RPS6KA6: variants seen among roughly 807,000 people sequenced by gnomAD.
RPS6KA6 encodes ribosomal protein S6 kinase alpha-6.
In RPS6KA6, 27 loss-of-function variants were observed where a neutral mutation model predicts 65.4. That is an observed-to-expected ratio of 0.41 (90% confidence interval 0.30 to 0.57). The LOEUF (loss-of-function observed/expected upper bound fraction) is 0.57. Ranked by LOEUF, RPS6KA6 falls within the 20% of genes least tolerant of loss-of-function variation. The probability of loss-of-function intolerance (pLI) is 0.24; values close to 1 mark genes in which losing one functional copy is unlikely to be tolerated. For missense variants in RPS6KA6, 486 were observed against 555.6 expected (o/e 0.87, Z 1.26); for synonymous variants, 190 against 184.2 (o/e 1.03, Z -0.26).
chrX:84,128,749 C>T (rs1001786202), intron 8 of RPS6KA6, among the ~76,000 whole-genome samples: 5 of 111,597 alleles, frequency 4.5e-5, no homozygotes, highest in Admixed American at 9.5e-5. Context: ...GGGTAAAGGA[C>T]GGTGTGTTCA....
chrX:84,187,954 G>T lies in RPS6KA6; in HGVS notation c.-55C>A. 1 of 1,058,600 alleles carries T rather than the reference G, an allele frequency of 9.4e-7. No individual in the cohort carries two copies. Among genetic ancestry groups the T allele is most frequent in the Non-Finnish European group, 1.3e-6 (1 of 786,359 alleles). The allele number at this position is 1,058,600 out of a possible 1,213,427, so 87.2% of individuals were successfully genotyped here. A position where few individuals can be genotyped will look rare whatever the true frequency, so the allele number is the denominator to read the frequency against. ...TGCCGCCTACCGCTGGCGCGGCCGC[G>T]CATCCTGTCTATTGAACTGGCCCGC... On this transcript the variant is annotated 5_prime_UTR_variant, in exon 1 of 22. Transcript: ENST00000262752.
At chrX:84,132,419 C>T (rs2034914611) in intron 8 of RPS6KA6, among the ~76,000 whole-genome samples, 1 of 110,194 alleles carries the variant, frequency 9.1e-6, no homozygotes, top group Admixed American at 9.8e-5. Flanking sequence ...CACTGCCCTC[C>T]AGCCTGGGTG....
chrX:84,101,950 C>T (rs969670226), intron 18 of RPS6KA6, 87 bp downstream of exon 18: 2 of 789,825 alleles, frequency 2.5e-6, no homozygotes, highest in Admixed American at 3.8e-5. Flanking sequence ...CAGCTTTTAT[C>T]TGCCTACCAT....
At chrX:84,089,843 C>T (rs1321761976) in intron 20 of RPS6KA6, among the ~76,000 whole-genome samples, 1 of 112,009 alleles carries the variant, frequency 8.9e-6, no homozygotes, top group Non-Finnish European at 1.9e-5. Flanking sequence ...ATTAACACAC[C>T]ATTTTCACTG....
intron 1 of RPS6KA6, among the ~76,000 whole-genome samples, chrX:84,164,602 T>A (rs985500508): frequency 3.6e-5 from 4 of 111,758 alleles, no homozygotes; most frequent in African/African-American, 1.3e-4. Context: ...TTCAGAGCTT[T>A]ATGCTTAATT....
rs1457505038 is a variant in RPS6KA6, at chrX:84,187,982, C to T, written c.-83G>A. 4 of 499,749 alleles carry T rather than the reference C, an allele frequency of 8.0e-6. No individual in the cohort carries two copies. The African/African-American group carries it at 1.0e-4, about 13-fold the overall frequency. 41.2% of individuals were successfully genotyped at this position (499,749 alleles called of 1,213,427 possible). On this transcript the variant is annotated 5_prime_UTR_variant, in exon 1 of 22. Transcript: ENST00000262752. ...TCCTGTCTATTGAACTGGCCCGCCG[C>T]CGCCGCCGCCGCCGCCGCCGCCGCC...
intron 12 of RPS6KA6, among the ~76,000 whole-genome samples, chrX:84,109,214 G>T (rs905826761): frequency 3.6e-5 from 4 of 112,131 alleles, no homozygotes; most frequent in African/African-American, 1.3e-4. Context: ...CAGCTGAAGG[G>T]GTCTGCCTTC....
At position 84,120,260 on chromosome X, in the gene RPS6KA6, T is replaced by G. The variant is rs183730058; in HGVS notation, c.647-233A>C. On this transcript the variant is annotated intron_variant, in intron 8 of 21. Transcript: ENST00000262752. Reference sequence around the variant, plus strand: ...AATCTCATCCTCAAAATACATGCTTTCAGGTCTACACTAGAATATAGTGCA... The same window carrying G: ...AATCTCATCCTCAAAATACATGCTTGCAGGTCTACACTAGAATATAGTGCA... Among the ~76,000 whole-genome samples the G allele has an allele frequency of 6.5e-3, 727 of 111,166 alleles. 3 individuals are homozygous for G. Among genetic ancestry groups the G allele is most frequent in the Non-Finnish European group, 0.011 (570 of 52,863 alleles).
intron 2 of RPS6KA6, among the ~76,000 whole-genome samples, chrX:84,161,203 C>G (rs1004106271): frequency 2.7e-5 from 3 of 111,347 alleles, no homozygotes; most frequent in African/African-American, 9.8e-5. Context: ...TCACTTTCAA[C>G]TTACAGTGAG....
intron 1 of RPS6KA6, among the ~76,000 whole-genome samples, chrX:84,164,648 A>G (rs910906332): frequency 4.5e-5 from 5 of 111,892 alleles, no homozygotes; most frequent in Non-Finnish European, 9.4e-5. Flanking sequence ...ACAGATAACT[A>G]TACACTAAGT....
intron 20 of RPS6KA6, among the ~76,000 whole-genome samples, chrX:84,067,232 G>A (rs1285366503): frequency 1.3e-4 from 14 of 111,519 alleles, no homozygotes; most frequent in African/African-American, 3.6e-4. Flanking sequence ...CCAAATGATC[G>A]CAACTCCTCT....
intron 12 of RPS6KA6, among the ~76,000 whole-genome samples, chrX:84,113,415 C>T (rs1253289961): frequency 2.7e-5 from 3 of 111,614 alleles, no homozygotes; most frequent in Admixed American, 9.5e-5. Context: ...AAATCCTCAA[C>T]GAAATACTAG....
intron 16 of RPS6KA6, among the ~76,000 whole-genome samples, 154 bp downstream of exon 16, chrX:84,105,633 A>G (rs2034343794): frequency 2.0e-5 from 2 of 99,390 alleles, no homozygotes; most frequent in African/African-American, 7.1e-5. Context: ...GAATCATGGG[A>G]AAAAAAAGAA....
At position 84,136,849 on chromosome X, in the gene RPS6KA6, T is replaced by C. The variant is rs1314392554; in HGVS notation, c.502-1639A>G. Among the ~76,000 whole-genome samples, 3 of 111,203 alleles carry C rather than the reference T, an allele frequency of 2.7e-5. No homozygotes were observed. The Admixed American group carries it at 2.9e-4, about 11-fold the overall frequency. On this transcript the variant is annotated intron_variant, in intron 6 of 21. Transcript: ENST00000262752. ...ACACCTTGCAAATGGAGAAAGAAAC[T>C]CAGAGTGATTAAGTAACTTGTCCAA...
chrX:84,121,082 A>T (rs1382137181), intron 8 of RPS6KA6, among the ~76,000 whole-genome samples: 1 of 112,530 alleles, frequency 8.9e-6, no homozygotes, highest in African/African-American at 3.2e-5. Flanking sequence ...TTAGCAAACA[A>T]TCTAAGTATA....
At position 84,065,128 on chromosome X, in the gene RPS6KA6, G is replaced by A; in HGVS notation, c.1972-17C>T. The A allele has an allele frequency of 1.8e-6, 2 of 1,126,819 alleles. No individual in the cohort carries two copies. Among genetic ancestry groups the A allele is most frequent in the Non-Finnish European group, 2.4e-6 (2 of 827,379 alleles). 92.9% of individuals were successfully genotyped at this position (1,126,819 alleles called of 1,213,427 possible). A position where few individuals can be genotyped will look rare whatever the true frequency, so the allele number is the denominator to read the frequency against. ...AAGCAAATCCTAAATTAAAAAAAAT[G>A]TGTGTGTATATATATATACATGTAT... On this transcript the variant is annotated splice_polypyrimidine_tract_variant and intron_variant, in intron 20 of 21. Coordinates refer to ENST00000262752, the MANE Select transcript of RPS6KA6 (RefSeq NM_014496.5).
chrX:84,163,632 C>T lies in RPS6KA6; in HGVS notation c.141+696G>A, dbSNP rs979493612. Among the ~76,000 whole-genome samples the T allele has an allele frequency of 5.4e-4, 41 of 75,939 alleles. 1 individual carries two copies. The highest frequency in any genetic ancestry group is 2.0e-3 in the African/African-American group (36 of 18,327). 65.9% of individuals were successfully genotyped at this position (75,939 alleles called of 115,157 possible). A position where few individuals can be genotyped will look rare whatever the true frequency, so the allele number is the denominator to read the frequency against. Reference sequence around the variant, plus strand: ...CCGCAGTCCGGCCTGGGCGACAGAGCGAGACTCCGTCTCAAAAAAAAAAAA... The same window carrying T: ...CCGCAGTCCGGCCTGGGCGACAGAGTGAGACTCCGTCTCAAAAAAAAAAAA... On this transcript the variant is annotated intron_variant, in intron 2 of 21. Coordinates refer to ENST00000262752, the MANE Select transcript of RPS6KA6 (RefSeq NM_014496.5).
intron 2 of RPS6KA6, among the ~76,000 whole-genome samples, chrX:84,156,782 A>C (rs1036573027): frequency 7.2e-5 from 8 of 111,676 alleles, no homozygotes; most frequent in South Asian, 7.5e-4. Context: ...AAGCAGAAAG[A>C]AAGCCACCCA....
At chrX:84,077,509 G>T (rs1178779923) in intron 20 of RPS6KA6, among the ~76,000 whole-genome samples, 1 of 111,192 alleles carries the variant, frequency 9.0e-6, no homozygotes, top group Non-Finnish European at 1.9e-5. Context: ...GGTGAAGAAA[G>T]GATATTATTT....
Sources: gnomAD v4.1 joint callset for allele counts (sites outside exome capture counted in the v4.1 genomes callset) on GRCh38, gnomAD v4.1.1 for gene constraint, MANE v1.5 for transcripts, NCBI Gene and HGNC (gene_info 2026-07-23, HGNC 2026-07-21) for gene names.